PHACTR2: variants seen among roughly 807,000 people sequenced by gnomAD.
PHACTR2 encodes the protein phosphatase and actin regulator 2, also known as chromosome 6 open reading frame 56.
Under a neutral mutation model 76.0 loss-of-function variants are expected in PHACTR2, and 30 were observed. That is an observed-to-expected ratio of 0.39 (90% CI 0.30 to 0.54). The LOEUF is 0.54. Among genes scored for constraint, PHACTR2 ranks in the 20% least tolerant of loss-of-function variants. The pLI, the probability that PHACTR2 is intolerant of heterozygous loss-of-function variation, is 0.61. For missense variants in PHACTR2, 696 were observed against 781.1 expected, an observed-to-expected ratio of 0.89 and a Z score of 1.30; for synonymous variants, 292 against 292.5, an observed-to-expected ratio of 1.00 and a Z score of 0.02.
In PHACTR2 at chr6:143,765,641, A is replaced by G. The variant is rs201324425; in HGVS notation, c.1075A>G (p.Thr359Ala). 1.2e-6 allele frequency: 2 copies of G among 1,613,954 alleles called. No homozygotes were observed. The highest frequency in any genetic ancestry group is 1.7e-6 in the Non-Finnish European group (2 of 1,179,974). ...TCTCCCTCTTGAGGATCAGTGCATT[A>G]CTGCCTCAGACACTCCAGTTGTCCT... ...PPLPLEDQCI[T>A]ASDTPVVLVS... The change falls in exon 6 of 13, where the codon ACT becomes GCT. Residue 359 changes from threonine to alanine, a missense_variant. This residue lies in a region of PHACTR2 where 460 missense variants were observed against 450.9 expected (regional missense o/e 1.02). Transcript: ENST00000440869. The surrounding 1 kb of genome is among the most constrained non-coding windows in gnomAD (Gnocchi z 4.1).
At chr6:143,744,849 G>A (rs887274654) in intron 2 of PHACTR2, among the ~76,000 whole-genome samples, 1 of 152,214 alleles carries the variant, frequency 6.6e-6, no homozygotes, top group Non-Finnish European at 1.5e-5. Context: ...TTCCCAGAGA[G>A]AATTAGAGTG....
rs879091799 is a variant in PHACTR2 at position 143,680,595 on chromosome 6, C to A, written c.46+2386C>A. On this transcript the variant is annotated intron_variant, in intron 1 of 12. Coordinates refer to ENST00000440869, the MANE Select transcript of PHACTR2 (RefSeq NM_001100164.2). This position sits in a 1 kb window ranked among gnomAD's most constrained non-coding sequence, Gnocchi z 4.5. The stretch of plus-strand genomic sequence containing the variant: ...CTAATTCTCTGGGTTCTAGGAAGAC[C>A]ATTAATAATTTTTTCTGAAAATATG... 6.6e-6 allele frequency among the ~76,000 whole-genome samples: 1 copy of A among 152,130 alleles called. No homozygotes were observed. Among genetic ancestry groups the A allele is most frequent in the Non-Finnish European group, 1.5e-5 (1 of 68,006 alleles).
At chr6:143,673,130 A>G (rs1777185727), upstream of PHACTR2, among the ~76,000 whole-genome samples, 2 of 152,202 alleles carry the variant, frequency 1.3e-5, no homozygotes, top group Admixed American at 1.3e-4. Context: ...AGGAGAGTCC[A>G]TACCTCACTT....
At chr6:143,785,808 T>A (rs1775544080) in intron 10 of PHACTR2, among the ~76,000 whole-genome samples, 1 of 152,234 alleles carries the variant, frequency 6.6e-6, no homozygotes, top group African/African-American at 2.4e-5. Flanking sequence ...AAGTTCTACA[T>A]TTGCCCCTTT....
upstream of PHACTR2, among the ~76,000 whole-genome samples, chr6:143,677,371 G>GT (rs1777269022): frequency 6.6e-6 from 1 of 152,068 alleles, no homozygotes; most frequent in Non-Finnish European, 1.5e-5. Flanking sequence ...GTTTGTTATA[G>GT]TTTTTTTCCC....
Position 143,753,922 on chromosome 6 carries a change from A to G in PHACTR2, c.454+10A>G. 1.3e-6 allele frequency: 2 copies of G among 1,588,444 alleles called. No homozygotes were observed. Among genetic ancestry groups the G allele is most frequent in the Non-Finnish European group, 8.5e-7 (1 of 1,170,012 alleles). ...GCAGAAGATAAGAAAGGTAAAATAA[A>G]GACAAACCCATATTATTTACTTTAG... On this transcript the variant is annotated intron_variant, in intron 4 of 12. Coordinates refer to ENST00000440869, the MANE Select transcript of PHACTR2 (RefSeq NM_001100164.2). This position sits in a 1 kb window ranked among gnomAD's most constrained non-coding sequence, Gnocchi z 4.6.
At chr6:143,690,836 G>A (rs1237649900) in intron 1 of PHACTR2, among the ~76,000 whole-genome samples, 2 of 152,136 alleles carry the variant, frequency 1.3e-5, no homozygotes, top group African/African-American at 4.8e-5. Flanking sequence ...TAATGTGCTG[G>A]CATTTTTTAA....
chr6:143,761,551 C>T lies in PHACTR2; in HGVS notation c.694+911C>T, dbSNP rs1392802790. The stretch of plus-strand genomic sequence containing the variant: ...GATCGATCACTTGAGGTCAGGAGTT[C>T]GAGACCAACCTGGTCAACATGGTGA... On this transcript the variant is annotated intron_variant, in intron 5 of 12. Coordinates refer to ENST00000440869, the MANE Select transcript of PHACTR2 (RefSeq NM_001100164.2). This position sits in a 1 kb window ranked among gnomAD's most constrained non-coding sequence, Gnocchi z 5.2. Among the ~76,000 whole-genome samples the T allele has an allele frequency of 1.3e-5, 2 of 152,020 alleles. No homozygotes were observed. The highest frequency in any genetic ancestry group is 4.8e-5 in the African/African-American group (2 of 41,390).
At chr6:143,799,120 G>A (rs1022607963) in intron 11 of PHACTR2, among the ~76,000 whole-genome samples, 4 of 152,152 alleles carry the variant, frequency 2.6e-5, no homozygotes, top group African/African-American at 9.7e-5. Flanking sequence ...TTGGGAGGGG[G>A]TATGTGTCCA....
rs1157774894 is a variant in PHACTR2, at chr6:143,646,871, T to G, written c.13+38549T>G. On this transcript the variant is annotated intron_variant, in intron 1 of 11. Transcript: ENST00000305766. This position sits in a 1 kb window ranked among gnomAD's most constrained non-coding sequence, Gnocchi z 4.1. The stretch of plus-strand genomic sequence containing the variant: ...AGTGTCTGAATAGCAGAGAACGTTT[T>G]CTCATCCTTAGTTATGTTTGTTGTT... Among the ~76,000 whole-genome samples, 1 of 152,250 alleles carries G rather than the reference T, an allele frequency of 6.6e-6. No individual in the cohort carries two copies. The highest frequency in any genetic ancestry group is 1.5e-5 in the Non-Finnish European group (1 of 68,044).
At chr6:143,763,269 G>C (rs539763829) in intron 5 of PHACTR2, among the ~76,000 whole-genome samples, 5 of 152,240 alleles carry the variant, frequency 3.3e-5, no homozygotes, top group Admixed American at 6.5e-5. Flanking sequence ...TGAGGCAGGA[G>C]AATCACTTGA....
Position 143,760,687 on chromosome 6 carries a change from G to T in PHACTR2, c.694+47G>T. The T allele has an allele frequency of 6.3e-7, 1 of 1,592,196 alleles. No homozygotes were observed. Among genetic ancestry groups the T allele is most frequent in the Non-Finnish European group, 8.6e-7 (1 of 1,169,006 alleles). ...TGTGGGGTCACTTCTAGGGTGCTTG[G>T]CTCTGGGATGGGGCTAATTGTTTCT... On this transcript the variant is annotated intron_variant, in intron 5 of 12. Transcript: ENST00000440869. The surrounding 1 kb of genome is among the most constrained non-coding windows in gnomAD (Gnocchi z 6.4).
Position 143,590,582 on chromosome 6 carries a change from G to A in PHACTR2, c.217+53375G>A, listed in dbSNP as rs114249936. Among the ~76,000 whole-genome samples, 1,186 of 150,962 alleles carry A rather than the reference G, an allele frequency of 7.9e-3. 14 individuals are homozygous for A. Among genetic ancestry groups the A allele is most frequent in the African/African-American group, 0.027 (1,110 of 41,068 alleles). On this transcript the variant is annotated intron_variant, in intron 1 of 11. Transcript: ENST00000367584. Reference sequence around the variant, plus strand: ...AATTAGGCATTTGCAATCACAAGTGGGTGCTATTGAAAAAGAGAAAGGAAG... The same window carrying A: ...AATTAGGCATTTGCAATCACAAGTGAGTGCTATTGAAAAAGAGAAAGGAAG...
At position 143,546,366 on chromosome 6, in the gene PHACTR2, A is replaced by C. The variant is rs1448388487; in HGVS notation, c.217+9159A>C. ...GAAGAAACTTGTGACTTAAAAAAAA[A>C]AAAAAACATGTTATCTCTCTCTAGA... On this transcript the variant is annotated intron_variant, in intron 1 of 11. Coordinates refer to the PHACTR2 transcript ENST00000367584. This position sits in a 1 kb window ranked among gnomAD's most constrained non-coding sequence, Gnocchi z 4.9. Among the ~76,000 whole-genome samples the C allele has an allele frequency of 1.3e-5, 2 of 152,084 alleles. No homozygotes were observed. Among genetic ancestry groups the C allele is most frequent in the African/African-American group, 2.4e-5 (1 of 41,374 alleles).
At chr6:143,645,893 G>A (rs7766091) in intron 1 of PHACTR2, among the ~76,000 whole-genome samples, 70,146 of 151,822 alleles carry the variant, frequency 0.46, 16,246 homozygotes, top group Middle Eastern at 0.57. Context: ...GTGTGTATTC[G>A]TATCACTAGA....
chr6:143,771,192 GTGTATATATA>G (rs1400713150), intron 6 of PHACTR2, among the ~76,000 whole-genome samples: 11 of 16,618 alleles, frequency 6.6e-4, no homozygotes, highest in African/African-American at 3.4e-3. Context: ...ATATATATGT[GTGTATATATA>G]TATATATATA....
chr6:143,766,197 G>C (rs542707208), intron 6 of PHACTR2, among the ~76,000 whole-genome samples: 1 of 152,198 alleles, frequency 6.6e-6, no homozygotes, highest in African/African-American at 2.4e-5. Context: ...AAGATCAGAA[G>C]AGAACTCTCA....
rs191391378 is a variant in PHACTR2, at chr6:143,679,972, C to A, written c.46+1763C>A. Reference sequence around the variant, plus strand: ...AAAAGTTTGTATGAATTGAAATGACCAATCCATACATCATAAATACAGGGT... The same window carrying A: ...AAAAGTTTGTATGAATTGAAATGACAAATCCATACATCATAAATACAGGGT... On this transcript the variant is annotated intron_variant, in intron 1 of 12. Transcript: ENST00000440869. The surrounding 1 kb of genome is among the most constrained non-coding windows in gnomAD (Gnocchi z 4.6). Among the ~76,000 whole-genome samples, 2 of 152,012 alleles carry A rather than the reference C, an allele frequency of 1.3e-5. No homozygotes were observed. The highest frequency in any genetic ancestry group is 4.8e-5 in the African/African-American group (2 of 41,398).
chr6:143,820,573 G>A lies in PHACTR2; in HGVS notation c.1923-3101G>A, dbSNP rs1334434770. On this transcript the variant is annotated intron_variant, in intron 12 of 12. Coordinates refer to ENST00000440869, the MANE Select transcript of PHACTR2 (RefSeq NM_001100164.2). The surrounding 1 kb of genome is among the most constrained non-coding windows in gnomAD (Gnocchi z 4.2). The stretch of plus-strand genomic sequence containing the variant: ...TGTCCCATGTCCTGGGTACTCTGGT[G>A]TAAGTGGGCAGCTCTACCCCTGTGG... Among the ~76,000 whole-genome samples the A allele has an allele frequency of 1.3e-5, 2 of 152,216 alleles. No individual in the cohort carries two copies. Among genetic ancestry groups the A allele is most frequent in the East Asian group, 1.9e-4 (1 of 5,188 alleles).
Sources: gnomAD v4.1 joint callset for allele counts (sites outside exome capture counted in the v4.1 genomes callset) on GRCh38, gnomAD v4.1.1 for gene constraint, gnomAD v4.1.1 regional missense constraint, Gnocchi (gnomAD v3.1) non-coding constraint, MANE v1.5 for transcripts, NCBI Gene and HGNC (gene_info 2026-07-23, HGNC 2026-07-21) for gene names.